Variants in FAM174B observed in about 807,000 individuals in gnomAD.
The protein encoded by FAM174B is family with sequence similarity 174 member B.
A neutral mutation model predicts 10.9 loss-of-function variants in FAM174B; 12 were observed. The ratio of observed to expected loss-of-function variants is 1.10; its 90% CI spans 0.71 to 1.79. The LOEUF (loss-of-function observed/expected upper bound fraction) is 1.79, where lower values mean the gene tolerates loss of function less well. FAM174B is among the 40% of genes most tolerant of loss of function. The pLI, the probability that FAM174B is intolerant of heterozygous loss-of-function variation, is 0.00. For missense variants in FAM174B, 266 were observed against 233.3 expected (o/e 1.14, Z -0.91); for synonymous variants, 132 against 115.8 (o/e 1.14, Z -0.90).
chr15:92,631,625 G>C (rs1334186676), intron 1 of FAM174B, among the ~76,000 whole-genome samples: 2 of 145,118 alleles, frequency 1.4e-5, no homozygotes, highest in African/African-American at 2.6e-5. Context: ...CTCCCGAGTA[G>C]CTGGGACTAC....
intron 1 of FAM174B, among the ~76,000 whole-genome samples, chr15:92,630,608 C>T (rs1183296184): frequency 6.6e-6 from 1 of 151,442 alleles, no homozygotes; most frequent in East Asian, 1.9e-4. Context: ...ACCGACCTCG[C>T]TAACCCTTAA....
rs2050690390 is a variant in FAM174B at position 92,617,948 on chromosome 15, T to G, written c.*1508A>C. On this transcript the variant is annotated 3_prime_UTR_variant, in exon 3 of 3. Coordinates refer to ENST00000327355, the MANE Select transcript of FAM174B (RefSeq NM_207446.3). ...AGGGCTTCCCACGGGCTCTGCTCTT[T>G]CCTGCAGAGGCGAAACTGCCTTCCT... is the stretch of plus-strand genomic sequence containing the variant. 1 of 378,528 alleles carries G rather than the reference T, an allele frequency of 2.6e-6. No homozygotes were observed. Among genetic ancestry groups the G allele is most frequent in the Admixed American group, 4.6e-5 (1 of 21,904 alleles). The allele number at this position is 378,528 out of a possible 1,614,324, so 23.4% of individuals were successfully genotyped here.
Position 92,619,711 on chromosome 15 carries a change from T to G in FAM174B, c.477-252A>C, listed in dbSNP as rs2050706388. On this transcript the variant is annotated intron_variant, in intron 2 of 2. Coordinates refer to ENST00000327355, the MANE Select transcript of FAM174B (RefSeq NM_207446.3). Reference sequence around the variant, plus strand: ...ACAGACTCCCTAGAACACAACCTCTTTCTCCTTATATCCCTCTCCTTGCCA... The same window carrying G: ...ACAGACTCCCTAGAACACAACCTCTGTCTCCTTATATCCCTCTCCTTGCCA... The G allele has an allele frequency of 1.2e-5, 7 of 570,688 alleles. No homozygotes were observed. The Admixed American group carries it at 1.2e-4, about 10-fold the overall frequency. 35.4% of individuals were successfully genotyped at this position (570,688 alleles called of 1,614,324 possible).
chr15:92,617,708 G>A lies in FAM174B; in HGVS notation c.*1748C>T, dbSNP rs765741504. ...ACAGCTGCGAGGTGGCCAGGCTCCC[G>A]TGAGTCACCACTCAGGCCTGAGTAC... On this transcript the variant is annotated 3_prime_UTR_variant, in exon 3 of 3. Coordinates refer to ENST00000327355, the MANE Select transcript of FAM174B (RefSeq NM_207446.3). The A allele has an allele frequency of 6.6e-5, 45 of 681,792 alleles. No individual in the cohort carries two copies. The highest frequency in any genetic ancestry group is 3.2e-4 in the Admixed American group (15 of 46,372). 42.2% of individuals were successfully genotyped at this position (681,792 alleles called of 1,614,324 possible).
At position 92,655,633 on chromosome 15, in the gene FAM174B, C is replaced by T; in HGVS notation, c.27G>A (p.Pro9=). The T allele has an allele frequency of 7.9e-7, 1 of 1,257,874 alleles. No homozygotes were observed. The allele number at this position is 1,257,874 out of a possible 1,614,324, so 77.9% of individuals were successfully genotyped here. A position where few individuals can be genotyped will look rare whatever the true frequency, so the allele number is the denominator to read the frequency against. Reference sequence around the variant, plus strand: ...GCGCGAGCAGCAGCAGCGGCAGGAGCGGGGCGGGCAGCGGCACGGCGCGCA... The same window carrying T: ...GCGCGAGCAGCAGCAGCGGCAGGAGTGGGGCGGGCAGCGGCACGGCGCGCA... The part of the protein sequence containing the change: MRAVPLPA[P]LLPLLLLALL... Residue 9 remains proline (P), a synonymous_variant, in exon 1 of 3, where the codon CCG becomes CCA. Transcript: ENST00000327355.
At position 92,654,800 on chromosome 15, in the gene FAM174B, AAGAAGAAGAAG is replaced by A. The variant is rs1394641863; in HGVS notation, c.344+505_344+515del. On this transcript the variant is annotated intron_variant, in intron 1 of 2. Transcript: ENST00000327355. ...TTCTTTCAGTAGCAAAAAAAAAAAA[AAGAAGAAGAAG>A]AAGAAGAAGAAAAAGTAGGCGGGGC... Among the ~76,000 whole-genome samples the A allele has an allele frequency of 4.6e-5, 4 of 86,656 alleles. No individual in the cohort carries two copies. The Admixed American group carries it at 4.6e-4, about 10-fold the overall frequency. 56.8% of individuals were successfully genotyped at this position (86,656 alleles called of 152,430 possible).
At chr15:92,624,927 C>G (rs923924497) in intron 2 of FAM174B, among the ~76,000 whole-genome samples, 2 of 152,152 alleles carry the variant, frequency 1.3e-5, no homozygotes, top group African/African-American at 4.8e-5. Flanking sequence ...GAGGGTGTAA[C>G]AAAGTCTTCT....
rs960977358 is a variant in FAM174B, at chr15:92,618,920, T to C, written c.*536A>G. ...AAGGGGCTGACCAGCTCTAAGCACATCCACCTTGAACTCTGACACAGGTAA... is the reference window on the plus strand; with the variant it reads ...AAGGGGCTGACCAGCTCTAAGCACACCCACCTTGAACTCTGACACAGGTAA... On this transcript the variant is annotated 3_prime_UTR_variant, in exon 3 of 3. Transcript: ENST00000327355. 15 of 465,458 alleles carry C rather than the reference T, an allele frequency of 3.2e-5. No individual in the cohort carries two copies. Among genetic ancestry groups the C allele is most frequent in the Middle Eastern group, 5.9e-4 (1 of 1,684 alleles). 28.8% of individuals were successfully genotyped at this position (465,458 alleles called of 1,614,324 possible).
chr15:92,629,956 T>C (rs1687287934), intron 2 of FAM174B, among the ~76,000 whole-genome samples: 2 of 152,218 alleles, frequency 1.3e-5, no homozygotes, highest in African/African-American at 4.8e-5. Context: ...TCCACCATGA[T>C]TGTGAGGCCT....
At chr15:92,624,544 C>T (rs1438875430) in intron 2 of FAM174B, among the ~76,000 whole-genome samples, 6 of 152,232 alleles carry the variant, frequency 3.9e-5, no homozygotes, top group Non-Finnish European at 8.8e-5. Context: ...TCCCTGCCTA[C>T]CCTGCAGAGG....
chr15:92,636,650 A>G (rs907098935), intron 1 of FAM174B, among the ~76,000 whole-genome samples: 1 of 152,170 alleles, frequency 6.6e-6, no homozygotes, highest in Non-Finnish European at 1.5e-5. Flanking sequence ...GCTTGAGAGT[A>G]TAGACTGGAA....
intron 1 of FAM174B, among the ~76,000 whole-genome samples, chr15:92,636,453 G>A (rs2050856821): frequency 1.3e-5 from 2 of 152,326 alleles, no homozygotes. Flanking sequence ...AACAACTGAG[G>A]AGACTGAGGC....
chr15:92,628,431 C>A (rs528329334), intron 2 of FAM174B, among the ~76,000 whole-genome samples: 1 of 148,244 alleles, frequency 6.7e-6, no homozygotes, highest in African/African-American at 2.5e-5. Flanking sequence ...CTGCACTCCT[C>A]GGCCTCTCAA....
intron 2 of FAM174B, among the ~76,000 whole-genome samples, chr15:92,627,900 A>G (rs1022546084): frequency 9.2e-5 from 14 of 152,222 alleles, no homozygotes; most frequent in African/African-American, 3.4e-4. Flanking sequence ...GATAAAATCA[A>G]TACAATCACT....
At chr15:92,626,096 G>GT (rs2050750392) in intron 2 of FAM174B, among the ~76,000 whole-genome samples, 1 of 147,560 alleles carries the variant, frequency 6.8e-6, no homozygotes, top group Non-Finnish European at 1.5e-5. Context: ...ATTAATAAAA[G>GT]TTTAGCAAGG....
At chr15:92,639,839 A>T (rs2050878963) in intron 1 of FAM174B, among the ~76,000 whole-genome samples, 1 of 152,108 alleles carries the variant, frequency 6.6e-6, no homozygotes, top group Non-Finnish European at 1.5e-5. Context: ...AAGCTTCCTG[A>T]GGCCTCCCCA....
chr15:92,652,047 T>C (rs376040515), intron 1 of FAM174B, among the ~76,000 whole-genome samples: 3 of 152,234 alleles, frequency 2.0e-5, no homozygotes, highest in East Asian at 3.8e-4. Flanking sequence ...GCATCAGTCA[T>C]GCAGCTAGTC....
intron 1 of FAM174B, among the ~76,000 whole-genome samples, chr15:92,653,623 T>G (rs1251434296): frequency 6.6e-6 from 1 of 152,218 alleles, no homozygotes. Flanking sequence ...CAGCATGGCA[T>G]GGTTGGACTG....
rs374613808 is a variant in FAM174B at position 92,619,365 on chromosome 15, G to A, written c.*91C>T. 38 of 1,510,138 alleles carry A rather than the reference G, an allele frequency of 2.5e-5. No homozygotes were observed. The African/African-American group carries it at 2.9e-4, about 11-fold the overall frequency. 93.5% of individuals were successfully genotyped at this position (1,510,138 alleles called of 1,614,324 possible). A position where few individuals can be genotyped will look rare whatever the true frequency, so the allele number is the denominator to read the frequency against. On this transcript the variant is annotated 3_prime_UTR_variant, in exon 3 of 3. Transcript: ENST00000327355. ...CGTTCGTTTTGGTTTCAACACCTCC[G>A]ACGCAAGAGGGCTTCCAGGTCCAGT...
Sources: gnomAD v4.1 joint callset for allele counts (sites outside exome capture counted in the v4.1 genomes callset) on GRCh38, gnomAD v4.1.1 for gene constraint, MANE v1.5 for transcripts, NCBI Gene and HGNC (gene_info 2026-07-23, HGNC 2026-07-21) for gene names.